The following LAMC3 variants were observed in gnomAD, a reference collection of about 807,000 sequenced individuals.
LAMC3 encodes the protein laminin subunit gamma 3, also known as laminin subunit gamma-3.
LAMC3 carries 128 observed loss-of-function variants against 173.8 expected under a neutral mutation model. That is an observed-to-expected ratio of 0.74 (90% confidence interval 0.64 to 0.85). The LOEUF is 0.85. LAMC3 is among the 40% of genes least tolerant of loss of function. The probability of loss-of-function intolerance (pLI) is 0.00; values close to 1 mark genes in which losing one functional copy is unlikely to be tolerated. For missense variants in LAMC3, 2,022 were observed against 2,156.0 expected (o/e 0.94, Z 1.23); for synonymous variants, 897 against 909.1 (o/e 0.99, Z 0.24).
chr9:131,061,311 T>G lies in LAMC3; in HGVS notation c.2347+88T>G, dbSNP rs558764743. ...GCCCTGGGCTCCAGGGTTAGGGCCC[T>G]GGGTTTAGGGTGTGGCAGGTGAGGG... On this transcript the variant is annotated intron_variant, in intron 13 of 27. Coordinates refer to ENST00000361069, the MANE Select transcript of LAMC3 (RefSeq NM_006059.4). 1.0e-4 allele frequency: 124 copies of G among 1,199,030 alleles called. No homozygotes were observed. The African/African-American group carries it at 1.7e-3, about 16-fold the overall frequency. 74.3% of individuals were successfully genotyped at this position (1,199,030 alleles called of 1,614,324 possible). A position where few individuals can be genotyped will look rare whatever the true frequency, so the allele number is the denominator to read the frequency against.
intron 1 of LAMC3, among the ~76,000 whole-genome samples, chr9:131,022,819 C>G (rs1261989688): frequency 6.6e-6 from 1 of 152,150 alleles, no homozygotes; most frequent in African/African-American, 2.4e-5. Flanking sequence ...CTCAAGCGAT[C>G]CTCCAGCCTC....
At position 131,066,177 on chromosome 9, in the gene LAMC3, A is replaced by G. The variant is rs148410970; in HGVS notation, c.2348-783A>G. Reference sequence around the variant, plus strand: ...GCCCCTGCACTCCAGCCTGGGTGACAGGACGAGACTGCATCTCAAAAAAAT... The same window carrying G: ...GCCCCTGCACTCCAGCCTGGGTGACGGGACGAGACTGCATCTCAAAAAAAT... On this transcript the variant is annotated intron_variant, in intron 13 of 27. Coordinates refer to ENST00000361069, the MANE Select transcript of LAMC3 (RefSeq NM_006059.4). Among the ~76,000 whole-genome samples, 1,342 of 151,968 alleles carry G rather than the reference A, an allele frequency of 8.8e-3. 28 individuals are homozygous for G. The highest frequency in any genetic ancestry group is 0.031 in the African/African-American group (1,288 of 41,406).
At chr9:131,054,061 C>A (rs536850289) in intron 11 of LAMC3, among the ~76,000 whole-genome samples, 6 of 152,016 alleles carry the variant, frequency 3.9e-5, no homozygotes, top group Non-Finnish European at 7.4e-5. Flanking sequence ...TAAAATGAAG[C>A]TGAGCTCTAG....
chr9:131,077,355 G>A, intron 22 of LAMC3, 21 bp downstream of exon 22: 1 of 1,612,986 alleles, frequency 6.2e-7, no homozygotes, highest in Non-Finnish European at 8.5e-7. Flanking sequence ...TTGTCTCAGA[G>A]CTCCGTGTGG....
At chr9:131,074,356 G>A (rs752490891) in intron 20 of LAMC3, among the ~76,000 whole-genome samples, 7 of 151,808 alleles carry the variant, frequency 4.6e-5, no homozygotes, top group South Asian at 4.2e-4. Flanking sequence ...TTGTTTATCC[G>A]TCTTCTGTTA....
intron 27 of LAMC3, 85 bp from the exon 28 acceptor site, chr9:131,091,452 C>G: frequency 2.6e-6 from 4 of 1,524,694 alleles, no homozygotes; most frequent in Non-Finnish European, 3.5e-6. Context: ...GAGGCCTGAG[C>G]TGGGGAGAGG....
chr9:131,047,485 C>T (rs1834192873), intron 8 of LAMC3, among the ~76,000 whole-genome samples: 1 of 150,298 alleles, frequency 6.7e-6, no homozygotes, highest in Non-Finnish European at 1.5e-5. Flanking sequence ...CCTTTATGCT[C>T]TTGAAAATTA....
rs777988303 is a variant in LAMC3, at chr9:131,085,773, CCG to C, written c.4230+52_4230+53del. ...GTGGCCTCCTTCCCTCCCGGGGGGACCGCCCTTCCGCGGGCCCCTTCCCGACA... is the reference window on the plus strand; with the variant it reads ...GTGGCCTCCTTCCCTCCCGGGGGGACCCCTTCCGCGGGCCCCTTCCCGACA... On this transcript the variant is annotated intron_variant, in intron 25 of 27. Coordinates refer to ENST00000361069, the MANE Select transcript of LAMC3 (RefSeq NM_006059.4). 51 of 1,568,192 alleles carry C rather than the reference CCG, an allele frequency of 3.3e-5. No homozygotes were observed. In the South Asian group the frequency reaches 5.4e-4, roughly 16 times the overall value.
At chr9:131,089,670 G>T (rs1830390353) in intron 27 of LAMC3, among the ~76,000 whole-genome samples, 1 of 151,778 alleles carries the variant, frequency 6.6e-6, no homozygotes, top group African/African-American at 2.4e-5. Flanking sequence ...TCACAAGCGT[G>T]AGCCACCATG....
chr9:131,044,378 C>T (rs557192665), intron 7 of LAMC3, among the ~76,000 whole-genome samples: 62 of 152,128 alleles, frequency 4.1e-4, no homozygotes, highest in African/African-American at 1.2e-3. Flanking sequence ...GGCATGGTGG[C>T]GCACACCTGT....
chr9:131,031,382 TAGGGCCAGGCAGAGCCC>T (rs913008271), intron 2 of LAMC3, among the ~76,000 whole-genome samples: 7 of 152,288 alleles, frequency 4.6e-5, no homozygotes, highest in Admixed American at 1.3e-4. Flanking sequence ...GAGTGCCTGC[TAGGGCCAGGCAGAGCCC>T]AGGGCCAGGG....
At chr9:131,041,582 T>G in intron 6 of LAMC3, 55 bp from the exon 7 acceptor site, 1 of 1,499,206 alleles carries the variant, frequency 6.7e-7, no homozygotes, top group African/African-American at 1.4e-5. Context: ...GATGGGCTGT[T>G]GCCATTCTGA....
chr9:131,052,551 T>C lies in LAMC3; in HGVS notation c.1691T>C (p.Val564Ala), dbSNP rs1161831960. 6.2e-7 allele frequency: 1 copy of C among 1,614,010 alleles called. No individual in the cohort carries two copies. The highest frequency in any genetic ancestry group is 8.5e-7 in the Non-Finnish European group (1 of 1,179,940). ...YGQPLILTFR[V>A]PPGDSPLPVQ... Reference sequence around the variant, plus strand: ...CAGCCCCTCATACTGACCTTCCGGGTGCCCCCCGGGGACTCCCCACTCCCT... The same window carrying C: ...CAGCCCCTCATACTGACCTTCCGGGCGCCCCCCGGGGACTCCCCACTCCCT... The change falls in exon 10 of 28, where the codon GTG becomes GCG. Residue 564 changes from valine to alanine, a missense_variant. Val to Ala is a moderately conservative substitution (Grantham distance 64). Coordinates refer to ENST00000361069, the MANE Select transcript of LAMC3 (RefSeq NM_006059.4).
chr9:131,070,920 T>C (rs150702969), intron 17 of LAMC3, among the ~76,000 whole-genome samples: 2 of 152,328 alleles, frequency 1.3e-5, no homozygotes, highest in East Asian at 3.9e-4. Flanking sequence ...GAATGCCTTG[T>C]GGCTTTTCAG....
intron 1 of LAMC3, among the ~76,000 whole-genome samples, chr9:131,014,870 C>A (rs1239689757): frequency 1.3e-5 from 2 of 152,158 alleles, no homozygotes; most frequent in Non-Finnish European, 2.9e-5. Flanking sequence ...GTAGTCCCAG[C>A]TACTTGGAAG....
Position 131,085,577 on chromosome 9 carries a change from G to GCAGACTCCGTCAGTGA in LAMC3, c.4093_4108dup (p.Leu1370ArgfsTer3), listed in dbSNP as rs753896493. ...GGACCAGGCGGCATTGCAGAGGAAG[G>GCAGACTCCGTCAGTGA]CAGACTCCGTCAGTGACAGACTCCT... is the stretch of plus-strand genomic sequence containing the variant. On this transcript the variant is annotated frameshift_variant, in exon 25 of 28. Coordinates refer to ENST00000361069, the MANE Select transcript of LAMC3 (RefSeq NM_006059.4). LOFTEE classifies it high-confidence loss of function. 6.2e-7 allele frequency: 1 copy of GCAGACTCCGTCAGTGA among 1,614,128 alleles called. No homozygotes were observed. Among genetic ancestry groups the GCAGACTCCGTCAGTGA allele is most frequent in the South Asian group, 1.1e-5 (1 of 91,090 alleles).
At chr9:131,054,116 G>A (rs1011236734) in intron 11 of LAMC3, among the ~76,000 whole-genome samples, 2 of 152,086 alleles carry the variant, frequency 1.3e-5, no homozygotes, top group African/African-American at 4.8e-5. Flanking sequence ...CCAGCACCAC[G>A]CAGGACATTT....
At chr9:131,084,595 T>G (rs1830297497) in intron 24 of LAMC3, among the ~76,000 whole-genome samples, 1 of 152,176 alleles carries the variant, frequency 6.6e-6, no homozygotes, top group Non-Finnish European at 1.5e-5. Context: ...TAATAAAATC[T>G]ATGGGAATTC....
intron 9 of LAMC3, among the ~76,000 whole-genome samples, chr9:131,052,101 T>C (rs1237055411): frequency 6.6e-6 from 1 of 152,132 alleles, no homozygotes; most frequent in Non-Finnish European, 1.5e-5. Context: ...TGCTGCTGGG[T>C]GTTCCCTAGG....
Sources: allele counts gnomAD v4.1 joint callset (sites outside exome capture counted in the v4.1 genomes callset), GRCh38; gene constraint gnomAD v4.1.1; transcripts MANE v1.5; gene names NCBI Gene and HGNC (gene_info 2026-07-23, HGNC 2026-07-21).